The following DCLK3 variants were observed in gnomAD, a reference collection of about 807,000 sequenced individuals.
DCLK3 encodes the protein serine/threonine-protein kinase DCLK3.
In DCLK3, 30 loss-of-function variants were observed where a neutral mutation model predicts 46.4. The ratio of observed to expected loss-of-function variants is 0.65; its 90% CI spans 0.48 to 0.88. DCLK3 has a LOEUF of 0.88. DCLK3 is among the 40% of genes least tolerant of loss of function. DCLK3 has a pLI of 0.00. For missense variants in DCLK3, 846 were observed against 907.1 expected (o/e 0.93, Z 0.87); for synonymous variants, 401 against 339.2 (o/e 1.18, Z -2.00).
Position 36,740,658 on chromosome 3 carries a change from T to C in DCLK3, c.83-1574A>G, listed in dbSNP as rs535729796. Among the ~76,000 whole-genome samples, 24 of 152,328 alleles carry C rather than the reference T, an allele frequency of 1.6e-4. No individual in the cohort carries two copies. The South Asian group carries it at 4.1e-3, about 26-fold the overall frequency. On this transcript the variant is annotated intron_variant, in intron 1 of 4. Transcript: ENST00000636136. Reference sequence around the variant, plus strand: ...ACAGGTGAGGCAGGAGTGGTTTAATTTCCTCAATTTCTATCCAGGTCAGGA... The same window carrying C: ...ACAGGTGAGGCAGGAGTGGTTTAATCTCCTCAATTTCTATCCAGGTCAGGA...
chr3:36,717,010 A>C (rs772394520), intron 4 of DCLK3, among the ~76,000 whole-genome samples: 42 of 152,226 alleles, frequency 2.8e-4, no homozygotes, highest in Non-Finnish European at 4.6e-4. Flanking sequence ...CTCATCCTCC[A>C]ATCCCAGTGA....
chr3:36,727,150 A>G (rs1292923340), intron 2 of DCLK3, among the ~76,000 whole-genome samples: 2 of 152,058 alleles, frequency 1.3e-5, no homozygotes, highest in East Asian at 1.9e-4. Context: ...ACAGCTGGGC[A>G]TGGTGGCGGG....
chr3:36,746,460 C>A (rs922999141), intron 1 of DCLK3, among the ~76,000 whole-genome samples: 2 of 152,152 alleles, frequency 1.3e-5, no homozygotes, highest in East Asian at 3.9e-4. Flanking sequence ...TATCCCTGAC[C>A]ACACGATAAT....
At chr3:36,748,409 A>G (rs1482951733) in intron 1 of DCLK3, among the ~76,000 whole-genome samples, 1 of 152,140 alleles carries the variant, frequency 6.6e-6, no homozygotes, top group African/African-American at 2.4e-5. Flanking sequence ...CCCAGGTGAC[A>G]AGGCACAGCA....
At chr3:36,749,121 C>T (rs1701417658) in intron 1 of DCLK3, among the ~76,000 whole-genome samples, 1 of 152,248 alleles carries the variant, frequency 6.6e-6, no homozygotes. Flanking sequence ...CCAGGCCAGG[C>T]TGCTGTTTCC....
chr3:36,735,999 C>T (rs542894468), intron 2 of DCLK3, among the ~76,000 whole-genome samples: 7 of 152,236 alleles, frequency 4.6e-5, no homozygotes, highest in Middle Eastern at 6.8e-3. Flanking sequence ...GTGATTGGGG[C>T]GATAAAGAAG....
At chr3:36,730,669 G>T (rs1035882031) in intron 2 of DCLK3, among the ~76,000 whole-genome samples, 1 of 152,100 alleles carries the variant, frequency 6.6e-6, no homozygotes, top group African/African-American at 2.4e-5. Context: ...AGGAGGAACT[G>T]CCCATGTGGC....
At chr3:36,756,468 G>A (rs1040742810) in intron 1 of DCLK3, among the ~76,000 whole-genome samples, 4 of 152,124 alleles carry the variant, frequency 2.6e-5, no homozygotes, top group Non-Finnish European at 5.9e-5. Context: ...CCATGGACAG[G>A]GACTGATAGC....
chr3:36,760,429 G>C (rs1701528437), intron 1 of DCLK3, among the ~76,000 whole-genome samples: 1 of 148,024 alleles, frequency 6.8e-6, no homozygotes, highest in Non-Finnish European at 1.5e-5. Context: ...TGAACAATGA[G>C]AATACATGGA....
chr3:36,729,242 T>TG (rs1701162066), intron 2 of DCLK3, among the ~76,000 whole-genome samples: 1 of 44,360 alleles, frequency 2.3e-5, no homozygotes, highest in Admixed American at 2.7e-4. Context: ...GGGTTGTGTG[T>TG]GTGTGTGGGG....
intron 3 of DCLK3, among the ~76,000 whole-genome samples, chr3:36,721,268 C>T (rs1701050912): frequency 7.9e-6 from 1 of 126,942 alleles, no homozygotes; most frequent in Admixed American, 9.2e-5. Context: ...ACTGTCCTGC[C>T]TAAACACAAT....
intron 1 of DCLK3, among the ~76,000 whole-genome samples, chr3:36,745,547 C>T (rs1173115565): frequency 1.3e-5 from 2 of 152,096 alleles, no homozygotes; most frequent in Non-Finnish European, 2.9e-5. Context: ...CATTATTAAC[C>T]CCCTCCTCCT....
At position 36,746,464 on chromosome 3, in the gene DCLK3, C is replaced by T. The variant is rs17035529; in HGVS notation, c.83-7380G>A. 8.7e-3 allele frequency among the ~76,000 whole-genome samples: 1,331 copies of T among 152,304 alleles called. 23 individuals are homozygous for T. Among genetic ancestry groups the T allele is most frequent in the African/African-American group, 0.031 (1,277 of 41,560 alleles). Reference sequence around the variant, plus strand: ...CTTTTAAAGCTTATCCCTGACCACACGATAATCCTCATCCCTCATCCCTCA... The same window carrying T: ...CTTTTAAAGCTTATCCCTGACCACATGATAATCCTCATCCCTCATCCCTCA... On this transcript the variant is annotated intron_variant, in intron 1 of 4. Coordinates refer to ENST00000636136, the MANE Select transcript of DCLK3 (RefSeq NM_001394672.2).
At chr3:36,727,427 G>A (rs957891122) in intron 2 of DCLK3, among the ~76,000 whole-genome samples, 5 of 152,208 alleles carry the variant, frequency 3.3e-5, no homozygotes, top group African/African-American at 4.8e-5. Context: ...GCTCCACTGA[G>A]CTTGTAGCAG....
chr3:36,749,181 T>C (rs973701550), intron 1 of DCLK3, among the ~76,000 whole-genome samples: 6 of 152,246 alleles, frequency 3.9e-5, no homozygotes, highest in Non-Finnish European at 5.9e-5. Context: ...AGGAGATTCA[T>C]AGTAACCTTG....
At position 36,738,411 on chromosome 3, in the gene DCLK3, A is replaced by C; in HGVS notation, c.756T>G (p.Leu252=). ...GGGTCCTCGCTCTGTCATCTAGTGA[A>C]AGCTCCTCGGGGATCTTCCCCTGGT... ...MRHQGKIPEE[L]SLDDRARTQK... Residue 252 remains leucine (L), a synonymous_variant, in exon 2 of 5, where the codon CTT becomes CTG. Coordinates refer to ENST00000636136, the MANE Select transcript of DCLK3 (RefSeq NM_001394672.2). The C allele has an allele frequency of 2.7e-6, 4 of 1,472,112 alleles. No individual in the cohort carries two copies. The highest frequency in any genetic ancestry group is 3.6e-6 in the Non-Finnish European group (4 of 1,113,104). 91.2% of individuals were successfully genotyped at this position (1,472,112 alleles called of 1,614,324 possible).
intron 2 of DCLK3, chr3:36,729,924 T>G (rs1440648761): frequency 6.6e-6 from 1 of 152,300 alleles, no homozygotes; most frequent in Non-Finnish European, 1.5e-5. Flanking sequence ...GGCCTGTAAT[T>G]CCAGCACTTT....
At chr3:36,723,072 A>G (rs1413392270) in intron 2 of DCLK3, among the ~76,000 whole-genome samples, 1 of 152,216 alleles carries the variant, frequency 6.6e-6, no homozygotes, top group African/African-American at 2.4e-5. Context: ...GATATGGACA[A>G]TAAAGTCCAG....
At position 36,758,531 on chromosome 3, in the gene DCLK3, C is replaced by T. The variant is rs556123857; in HGVS notation, c.82+5651G>A. 2.8e-4 allele frequency among the ~76,000 whole-genome samples: 42 copies of T among 152,178 alleles called. 1 individual carries two copies. The highest frequency in any genetic ancestry group is 5.4e-4 in the Non-Finnish European group (37 of 68,032). On this transcript the variant is annotated intron_variant, in intron 1 of 4. Transcript: ENST00000636136. ...GCCCTTTGTTGGTTCCTGTTCCTTC[C>T]ACTGTGTGAAGACACAAGGTCCATC...
Sources: gnomAD v4.1 joint callset for allele counts (sites outside exome capture counted in the v4.1 genomes callset) on GRCh38, gnomAD v4.1.1 for gene constraint, MANE v1.5 for transcripts, NCBI Gene and HGNC (gene_info 2026-07-23, HGNC 2026-07-21) for gene names.